ART1: variants seen among roughly 807,000 people sequenced by gnomAD.
ART1 encodes the protein GPI-linked NAD(P)(+)--arginine ADP-ribosyltransferase 1.
Under a neutral mutation model 27.0 loss-of-function variants are expected in ART1, and 29 were observed. That is an observed-to-expected ratio of 1.08 (90% CI 0.80 to 1.47). The LOEUF is 1.47. ART1 is among the 40% of genes most tolerant of loss of function. ART1 has a pLI of 0.00. For synonymous variants in ART1, 201 were observed against 172.2 expected (o/e 1.17, Z -1.31); for missense variants, 480 against 423.0 (o/e 1.13, Z -1.18).
At chr11:3,652,893 T>A (rs1490411184) in intron 1 of ART1, among the ~76,000 whole-genome samples, 1 of 150,132 alleles carries the variant, frequency 6.7e-6, no homozygotes, top group Non-Finnish European at 1.5e-5. Context: ...TAATCAGATG[T>A]CCTAGGTCCT....
intron 1 of ART1, among the ~76,000 whole-genome samples, chr11:3,653,432 T>G (rs1230195883): frequency 6.7e-6 from 1 of 148,332 alleles, no homozygotes; most frequent in Non-Finnish European, 1.5e-5. Context: ...ACTGCGCACC[T>G]TGTGACCCCC....
At chr11:3,657,400 C>A (rs563446344) in intron 1 of ART1, among the ~76,000 whole-genome samples, 2 of 152,252 alleles carry the variant, frequency 1.3e-5, no homozygotes, top group Admixed American at 6.5e-5. Flanking sequence ...CACGGCAAAA[C>A]CCCACCTCTA....
chr11:3,660,835 G>A (rs1170794539), intron 3 of ART1, among the ~76,000 whole-genome samples: 1 of 152,216 alleles, frequency 6.6e-6, no homozygotes, highest in African/African-American at 2.4e-5. Flanking sequence ...GGGTGGTGGG[G>A]GCAAGGAGAC....
At position 3,659,719 on chromosome 11, in the gene ART1, C is replaced by G. The variant is rs527878673; in HGVS notation, c.200C>G (p.Thr67Arg). ...GCTGCTCTCCCGGATCTCAACCACA[C>G]GGAGTTCCAGGCCAACCAGGTGTAT... Reference protein sequence around the residue: ...MTAALPDLNHTEFQANQVYAD... With the variant: ...MTAALPDLNHREFQANQVYAD... The change falls in exon 3 of 5, where the codon ACG becomes AGG. Residue 67 changes from threonine to arginine, a missense_variant. Coordinates refer to ENST00000250693, the MANE Select transcript of ART1 (RefSeq NM_004314.3). 1.2e-6 allele frequency: 2 copies of G among 1,613,900 alleles called. No individual in the cohort carries two copies. The highest frequency in any genetic ancestry group is 1.7e-5 in the Admixed American group (1 of 59,982).
chr11:3,648,292 C>T (rs2077486484), intron 1 of ART1, among the ~76,000 whole-genome samples: 1 of 152,214 alleles, frequency 6.6e-6, no homozygotes, highest in African/African-American at 2.4e-5. Flanking sequence ...GGTGTCTTCA[C>T]ACGGACGCGC....
At chr11:3,645,780 G>A (rs375368460) in intron 1 of ART1, among the ~76,000 whole-genome samples, 19 of 152,178 alleles carry the variant, frequency 1.2e-4, no homozygotes, top group African/African-American at 3.9e-4. Context: ...GACAGCACAG[G>A]GTGATACCAG....
rs1172329121 is a variant in ART1, at chr11:3,650,553, T to C, written c.-53+5374T>C. Among the ~76,000 whole-genome samples, 10 of 152,338 alleles carry C rather than the reference T, an allele frequency of 6.6e-5. No homozygotes were observed. The East Asian group carries it at 9.6e-4, about 15-fold the overall frequency. ...TCCACATTACCTTCTTTTCAAGGGC[T>C]TGTTTCCCTTGCTTCCATAACTGTT... On this transcript the variant is annotated intron_variant, in intron 1 of 4. Transcript: ENST00000250693.
chr11:3,648,010 A>G lies in ART1; in HGVS notation c.-53+2831A>G, dbSNP rs2077483955. On this transcript the variant is annotated intron_variant, in intron 1 of 4. Coordinates refer to ENST00000250693, the MANE Select transcript of ART1 (RefSeq NM_004314.3). ...CCCTGTGACCTGCACAAACACATCC[A>G]GATGGCCGGTTCCTGCCTTAACTGA... Among the ~76,000 whole-genome samples, 4 of 152,202 alleles carry G rather than the reference A, an allele frequency of 2.6e-5. 1 individual carries two copies. In the South Asian group the frequency reaches 8.3e-4, roughly 31 times the overall value.
intron 1 of ART1, among the ~76,000 whole-genome samples, chr11:3,655,047 G>T (rs941737627): frequency 1.3e-5 from 2 of 152,232 alleles, no homozygotes; most frequent in African/African-American, 2.4e-5. Context: ...CAGGCTCATG[G>T]TCTTTGGGTT....
chr11:3,659,536 C>G, intron 2 of ART1, 47 bp from the exon 3 acceptor site: 1 of 1,530,406 alleles, frequency 6.5e-7, no homozygotes, highest in Non-Finnish European at 8.8e-7. Flanking sequence ...GGGACTCATT[C>G]TCCCAGGGGC....
intron 4 of ART1, 56 bp downstream of exon 4, chr11:3,661,469 G>A: frequency 7.3e-7 from 1 of 1,366,480 alleles, no homozygotes; most frequent in Non-Finnish European, 1.0e-6. Context: ...GCTGCTCTGG[G>A]GTTGGCCCCA....
At chr11:3,659,396 C>G in intron 2 of ART1, 120 bp downstream of exon 2, 1 of 1,462,550 alleles carries the variant, frequency 6.8e-7, no homozygotes, top group Non-Finnish European at 9.5e-7. Flanking sequence ...GGGGATCACT[C>G]AGCCCAAGGG....
At chr11:3,663,996 C>A in intron 4 of ART1, 96 bp from the exon 5 acceptor site, 1 of 1,137,808 alleles carries the variant, frequency 8.8e-7, no homozygotes, top group Non-Finnish European at 1.3e-6. Flanking sequence ...ATCTCTCCAC[C>A]TTGTATCTGC....
chr11:3,658,343 A>G (rs1425492825), intron 1 of ART1, among the ~76,000 whole-genome samples: 1 of 151,490 alleles, frequency 6.6e-6, no homozygotes, highest in Non-Finnish European at 1.5e-5. Flanking sequence ...GGAAAAAAAA[A>G]AAAAAAGAGA....
At chr11:3,652,161 C>A (rs55805366) in intron 1 of ART1, among the ~76,000 whole-genome samples, 18,348 of 150,200 alleles carry the variant, frequency 0.12, 1,244 homozygotes, top group South Asian at 0.2. Flanking sequence ...GGCAAATTAG[C>A]TTTACTCAAC....
chr11:3,661,487 G>GCT, intron 4 of ART1, 74 bp downstream of exon 4: 2 of 497,570 alleles, frequency 4.0e-6, no homozygotes, highest in Non-Finnish European at 6.5e-6. Flanking sequence ...CCATCACCTC[G>GCT]ATCTTTTTTT....
chr11:3,659,679 G>A lies in ART1; in HGVS notation c.160G>A (p.Ala54Thr), dbSNP rs1384989780. Residue 54 changes from alanine (A) to threonine (T), a missense_variant, in exon 3 of 5, where the codon GCT becomes ACT. Transcript: ENST00000250693. ...CTTTGATGACCAGTACGCTGGCTGT[G>A]CTGCTGCCATGACAGCTGCTCTCCC... Reference protein sequence around the residue: ...ASFDDQYAGCAAAMTAALPDL... With the variant: ...ASFDDQYAGCTAAMTAALPDL... 1 of 1,613,876 alleles carries A rather than the reference G, an allele frequency of 6.2e-7. No individual in the cohort carries two copies. Among genetic ancestry groups the A allele is most frequent in the Admixed American group, 1.7e-5 (1 of 60,022 alleles).
chr11:3,659,939 C>A lies in ART1; in HGVS notation c.420C>A (p.Arg140=), dbSNP rs111942933. The change falls in exon 3 of 5, where the codon CGC becomes CGA. Residue 140 remains arginine (R), a synonymous_variant. Coordinates refer to ENST00000250693, the MANE Select transcript of ART1 (RefSeq NM_004314.3). Reference sequence around the variant, plus strand: ...ATGCAGCCGTGCGTGAGGCGGGCCGCTCCCGGGCCCACTACCTCCACCACT... The same window carrying A: ...ATGCAGCCGTGCGTGAGGCGGGCCGATCCCGGGCCCACTACCTCCACCACT... ...EFNAAVREAG[R]SRAHYLHHFS... is the part of the protein sequence containing the mutation. The A allele has an allele frequency of 1.2e-6, 2 of 1,613,668 alleles. No individual in the cohort carries two copies. Among genetic ancestry groups the A allele is most frequent in the Admixed American group, 1.7e-5 (1 of 60,026 alleles).
At chr11:3,662,369 G>T (rs1434000703) in intron 4 of ART1, among the ~76,000 whole-genome samples, 1 of 152,194 alleles carries the variant, frequency 6.6e-6, no homozygotes, top group African/African-American at 2.4e-5. Context: ...TTCCAGGGAA[G>T]AAACAGCAGC....
Sources: gnomAD v4.1 joint callset for allele counts (sites outside exome capture counted in the v4.1 genomes callset) on GRCh38, gnomAD v4.1.1 for gene constraint, MANE v1.5 for transcripts, NCBI Gene and HGNC (gene_info 2026-07-23, HGNC 2026-07-21) for gene names.